The following ARHGEF3 variants were observed in gnomAD, a reference collection of about 807,000 sequenced individuals.
ARHGEF3 encodes 59.8 kDA protein.
A neutral mutation model predicts 63.2 loss-of-function variants in ARHGEF3; 28 were observed. The ratio of observed to expected loss-of-function variants is 0.44; its 90% CI spans 0.33 to 0.61. The LOEUF (loss-of-function observed/expected upper bound fraction) is 0.61. Ranked by LOEUF, ARHGEF3 falls within the 20% of genes least tolerant of loss-of-function variation. The pLI is 0.03. For synonymous variants in ARHGEF3, 266 were observed against 254.2 expected (o/e 1.05, Z -0.44); for missense variants, 533 against 659.3 (o/e 0.81, Z 2.10).
At chr3:56,935,577 A>G (rs1196507552) in intron 3 of ARHGEF3, among the ~76,000 whole-genome samples, 1 of 152,060 alleles carries the variant, frequency 6.6e-6, no homozygotes, top group Non-Finnish European at 1.5e-5. Context: ...GCGAGACTAC[A>G]AGCCCACCGG....
intron 7 of ARHGEF3, among the ~76,000 whole-genome samples, chr3:56,744,726 T>G (rs1487796062): frequency 1.3e-5 from 2 of 152,124 alleles, no homozygotes; most frequent in Admixed American, 1.3e-4. Flanking sequence ...AAACATTTGC[T>G]GAGTGAGGAT....
rs758103239 is a variant in ARHGEF3 at position 56,898,564 on chromosome 3, G to C, written c.130-16210C>G. On this transcript the variant is annotated intron_variant, in intron 3 of 12. Transcript: ENST00000338458. ...TTTATGTTTACCTGCTGTTAGTTTG[G>C]AGTTCCCCTAAAGCAGATCCTGGAG... 8.6e-6 allele frequency: 2 copies of C among 232,760 alleles called. 1 individual carries two copies. Among genetic ancestry groups the C allele is most frequent in the South Asian group, 7.5e-5 (2 of 26,778 alleles). 14.4% of individuals were successfully genotyped at this position (232,760 alleles called of 1,614,324 possible). A position where few individuals can be genotyped will look rare whatever the true frequency, so the allele number is the denominator to read the frequency against.
intron 1 of ARHGEF3, among the ~76,000 whole-genome samples, chr3:57,071,991 A>G (rs1204841674): frequency 1.3e-5 from 2 of 152,248 alleles, no homozygotes; most frequent in African/African-American, 4.8e-5. Flanking sequence ...AAGAAGATAC[A>G]CAAATGGCCA....
intron 4 of ARHGEF3, among the ~76,000 whole-genome samples, chr3:56,862,640 T>A (rs1271726532): frequency 6.6e-6 from 1 of 152,118 alleles, no homozygotes; most frequent in Non-Finnish European, 1.5e-5. Flanking sequence ...GACCAGCAAA[T>A]TACACCTCTT....
At chr3:57,050,365 T>C (rs1704621827) in intron 1 of ARHGEF3, among the ~76,000 whole-genome samples, 1 of 152,230 alleles carries the variant, frequency 6.6e-6, no homozygotes, top group Non-Finnish European at 1.5e-5. Flanking sequence ...CTCAGGACTA[T>C]CAAAACTAAA....
chr3:56,756,416 G>C (rs1253215215), intron 2 of ARHGEF3, among the ~76,000 whole-genome samples: 1 of 152,006 alleles, frequency 6.6e-6, no homozygotes, highest in Non-Finnish European at 1.5e-5. Context: ...ACTCATCCAT[G>C]AGCCTCCATT....
In ARHGEF3 at chr3:56,967,387, AT is replaced by A. The variant is rs1186911455; in HGVS notation, c.63-8499del. ...ATATTATATATTATATATTATACATATTATATATTATATAATATATTATATA... is the reference window on the plus strand; with the variant it reads ...ATATTATATATTATATATTATACATATATATATTATATAATATATTATATA... On this transcript the variant is annotated intron_variant, in intron 2 of 12. Coordinates refer to the ARHGEF3 transcript ENST00000338458. Among the ~76,000 whole-genome samples the A allele has an allele frequency of 4.6e-4, 31 of 67,420 alleles. 1 individual carries two copies. The highest frequency in any genetic ancestry group is 6.3e-4 in the Non-Finnish European group (26 of 41,046). 44.2% of individuals were successfully genotyped at this position (67,420 alleles called of 152,430 possible).
intron 2 of ARHGEF3, among the ~76,000 whole-genome samples, chr3:57,009,311 G>A (rs905595520): frequency 2.0e-5 from 3 of 152,052 alleles, no homozygotes; most frequent in Non-Finnish European, 4.4e-5. Flanking sequence ...CACCAACTTG[G>A]GGCCTATCCC....
chr3:56,910,663 A>T (rs992956163), intron 3 of ARHGEF3, among the ~76,000 whole-genome samples: 1 of 152,210 alleles, frequency 6.6e-6, no homozygotes, highest in Non-Finnish European at 1.5e-5. Context: ...ACAGAAACGA[A>T]AAAGAGATAA....
chr3:56,993,466 C>T (rs1244981246), intron 2 of ARHGEF3, among the ~76,000 whole-genome samples: 2 of 152,108 alleles, frequency 1.3e-5, no homozygotes, highest in African/African-American at 4.8e-5. Flanking sequence ...CTTCGGCCTC[C>T]TGGGCTCAAG....
chr3:57,010,017 A>G (rs1337624264), intron 2 of ARHGEF3, among the ~76,000 whole-genome samples: 1 of 152,190 alleles, frequency 6.6e-6, no homozygotes, highest in Non-Finnish European at 1.5e-5. Context: ...GAACTGGACC[A>G]CAGGCAGCTG....
chr3:56,800,717 G>A (rs1183717428), intron 1 of ARHGEF3, among the ~76,000 whole-genome samples: 2 of 152,232 alleles, frequency 1.3e-5, no homozygotes, highest in African/African-American at 4.8e-5. Context: ...TTCCCCAGTG[G>A]TGGTGGTGAT....
chr3:57,012,485 C>T (rs953432795), intron 2 of ARHGEF3, among the ~76,000 whole-genome samples: 1 of 152,206 alleles, frequency 6.6e-6, no homozygotes, highest in Non-Finnish European at 1.5e-5. Flanking sequence ...TCTCGAACTG[C>T]TGACCTCAAG....
intron 1 of ARHGEF3, chr3:57,077,036 C>A (rs1488120): frequency 0.45 from 69,011 of 152,054 alleles, 17,052 homozygotes; most frequent in Middle Eastern, 0.57. Flanking sequence ...GACATCTGAG[C>A]AAAATGGCAA....
At chr3:56,934,476 G>A (rs540975621) in intron 3 of ARHGEF3, among the ~76,000 whole-genome samples, 11 of 152,270 alleles carry the variant, frequency 7.2e-5, no homozygotes, top group Admixed American at 5.2e-4. Flanking sequence ...GGAGAGTCGC[G>A]AGTGGGAACT....
intron 4 of ARHGEF3, among the ~76,000 whole-genome samples, chr3:56,812,272 AAT>A (rs1241528587): frequency 6.6e-6 from 1 of 152,234 alleles, no homozygotes; most frequent in African/African-American, 2.4e-5. Flanking sequence ...AGGTAATTCA[AAT>A]AGGCCCCTAA....
Position 56,995,666 on chromosome 3 carries a change from A to AGAGAGAGAGG in ARHGEF3, c.63-36778_63-36777insCCTCTCTCTC, listed in dbSNP as rs1560116629. Among the ~76,000 whole-genome samples, 112 of 127,238 alleles carry AGAGAGAGAGG rather than the reference A, an allele frequency of 8.8e-4. 1 individual carries two copies. Among genetic ancestry groups the AGAGAGAGAGG allele is most frequent in the Non-Finnish European group, 1.1e-3 (61 of 57,854 alleles). The allele number at this position is 127,238 out of a possible 152,430, so 83.5% of individuals were successfully genotyped here. Reference sequence around the variant, plus strand: ...GAGAGAGAGAGAGAGAGAGAGAGAGAGAGAGAATTTTTTTTAACCTGGTCT... The same window carrying AGAGAGAGAGG: ...GAGAGAGAGAGAGAGAGAGAGAGAGAGAGAGAGAGGGAGAGAATTTTTTTTAACCTGGTCT... On this transcript the variant is annotated intron_variant, in intron 2 of 12. Coordinates refer to the ARHGEF3 transcript ENST00000338458.
At chr3:56,875,960 G>A (rs1397829785) in intron 4 of ARHGEF3, among the ~76,000 whole-genome samples, 3 of 152,148 alleles carry the variant, frequency 2.0e-5, no homozygotes, top group African/African-American at 7.2e-5. Flanking sequence ...GGTGGTGGTA[G>A]GGAATGGCTG....
intron 4 of ARHGEF3, among the ~76,000 whole-genome samples, chr3:56,850,617 A>T (rs911544424): frequency 6.6e-6 from 1 of 152,226 alleles, no homozygotes; most frequent in Non-Finnish European, 1.5e-5. Flanking sequence ...AAGCCCTCTA[A>T]GTTCTGTTTA....
Sources: gnomAD v4.1 joint callset for allele counts (sites outside exome capture counted in the v4.1 genomes callset) on GRCh38, gnomAD v4.1.1 for gene constraint, MANE v1.5 for transcripts, NCBI Gene and HGNC (gene_info 2026-07-23, HGNC 2026-07-21) for gene names.